The following PIEZO2 variants were observed in gnomAD, a reference collection of about 807,000 sequenced individuals.
PIEZO2 encodes piezo type mechanosensitive ion channel component 2.
PIEZO2 carries 172 observed loss-of-function variants against 337.3 expected under a neutral mutation model. The observed-to-expected ratio is 0.51, with a 90% CI of 0.45 to 0.58. The LOEUF is 0.58. Among genes scored for constraint, PIEZO2 ranks in the 20% least tolerant of loss-of-function variants. The pLI, the probability that PIEZO2 is intolerant of heterozygous loss-of-function variation, is 0.00. For synonymous variants in PIEZO2, 1,251 were observed against 1,228.5 expected, an observed-to-expected ratio of 1.02 and a Z score of -0.38; for missense variants, 3,028 against 3,391.3, an observed-to-expected ratio of 0.89 and a Z score of 2.66.
At chr18:10,725,413 C>A in intron 36 of PIEZO2, 1 of 1,602,840 alleles carries the variant, frequency 6.2e-7, no homozygotes. Flanking sequence ...GTCAACCTGA[C>A]CAGAGCCCGC....
In PIEZO2 at chr18:10,698,929, T is replaced by C. The variant is rs1384305464; in HGVS notation, c.6690A>G (p.Gln2230=). 6.5e-7 allele frequency: 1 copy of C among 1,536,188 alleles called. No homozygotes were observed. The highest frequency in any genetic ancestry group is 8.7e-7 in the Non-Finnish European group (1 of 1,146,894). ...QRSSFSSNRS[Q]RGSTSTRNSS... ...ATATATTGTGTCGACAGATACCTCTTTGGGATCTGTTTGAAGAAAAGCTGG... is the reference window on the plus strand; with the variant it reads ...ATATATTGTGTCGACAGATACCTCTCTGGGATCTGTTTGAAGAAAAGCTGG... Residue 2230 remains glutamine, a synonymous_variant, in exon 44 of 56, where the codon CAA becomes CAG. Coordinates refer to ENST00000674853, the MANE Select transcript of PIEZO2 (RefSeq NM_001378183.1).
chr18:10,741,960 G>T (rs746847116), intron 32 of PIEZO2, among the ~76,000 whole-genome samples: 42 of 151,960 alleles, frequency 2.8e-4, no homozygotes, highest in Admixed American at 3.9e-4. Context: ...GAGACCATCC[G>T]TGCTAACATG....
chr18:11,064,314 A>C (rs1029577237), intron 2 of PIEZO2, among the ~76,000 whole-genome samples: 5 of 152,188 alleles, frequency 3.3e-5, no homozygotes, highest in African/African-American at 9.7e-5. Flanking sequence ...ATGGAGAAAG[A>C]GGAAAATAAG....
chr18:10,763,559 G>A (rs1170421502), intron 21 of PIEZO2, among the ~76,000 whole-genome samples: 1 of 152,168 alleles, frequency 6.6e-6, no homozygotes, highest in East Asian at 1.9e-4. Context: ...ACAAACGACT[G>A]GAAAGTTCAG....
intron 47 of PIEZO2, 30 bp downstream of exon 47, chr18:10,696,044 G>T (rs985148984): frequency 1.0e-5 from 16 of 1,577,462 alleles, no homozygotes; most frequent in Admixed American, 6.7e-5. Flanking sequence ...ATGGAGGCAG[G>T]TTGGTGCCTC....
rs945764819 is a variant in PIEZO2, at chr18:10,837,815, A to G, written c.917+17538T>C. 6.6e-6 allele frequency among the ~76,000 whole-genome samples: 1 copy of G among 152,126 alleles called. No homozygotes were observed. Among genetic ancestry groups the G allele is most frequent in the Admixed American group, 6.5e-5 (1 of 15,284 alleles). ...CGCCCAGGCTGGAGTGCAATGGTGC[A>G]ATCTCAGCTCACTGCAACCTCCACC... On this transcript the variant is annotated intron_variant, in intron 7 of 55. Transcript: ENST00000674853. This position sits in a 1 kb window ranked among gnomAD's most constrained non-coding sequence, Gnocchi z 4.4.
chr18:11,045,295 C>CAAAAAAAAA (rs58924653), intron 2 of PIEZO2, among the ~76,000 whole-genome samples: 15 of 52,346 alleles, frequency 2.9e-4, no homozygotes, highest in African/African-American at 7.2e-4. Context: ...GACTCCGTCT[C>CAAAAAAAAA]AAAAAAAAAA....
intron 3 of PIEZO2, among the ~76,000 whole-genome samples, chr18:10,975,784 C>T (rs2034419010): frequency 6.6e-6 from 1 of 152,164 alleles, no homozygotes; most frequent in African/African-American, 2.4e-5. Context: ...CAAAATTTAA[C>T]ACCTATAAAT....
At chr18:10,827,071 A>G (rs1358687863) in intron 7 of PIEZO2, among the ~76,000 whole-genome samples, 2 of 152,224 alleles carry the variant, frequency 1.3e-5, no homozygotes, top group Non-Finnish European at 2.9e-5. Flanking sequence ...GAAAATAGAT[A>G]TATATTTATG....
At chr18:10,987,156 G>T (rs1211993180) in intron 2 of PIEZO2, among the ~76,000 whole-genome samples, 2 of 152,106 alleles carry the variant, frequency 1.3e-5, no homozygotes, top group East Asian at 1.9e-4. Flanking sequence ...CAGATTCAAT[G>T]CAATATCTAT....
At chr18:11,050,812 T>C (rs1475162138) in intron 2 of PIEZO2, among the ~76,000 whole-genome samples, 2 of 150,882 alleles carry the variant, frequency 1.3e-5, no homozygotes, top group East Asian at 3.9e-4. Flanking sequence ...ATAAAATTAA[T>C]AATAAATTTT....
At chr18:11,063,295 T>C (rs2584752) in intron 2 of PIEZO2, among the ~76,000 whole-genome samples, 4 of 124,362 alleles carry the variant, frequency 3.2e-5, no homozygotes, top group African/African-American at 1.0e-4. Flanking sequence ...GTGGGGGGAG[T>C]GGGGAGGGAT....
At position 11,021,253 on chromosome 18, in the gene PIEZO2, G is replaced by A. The variant is rs1598840132; in HGVS notation, c.161-41593C>T. Among the ~76,000 whole-genome samples the A allele has an allele frequency of 6.6e-6, 1 of 152,338 alleles. No homozygotes were observed. The highest frequency in any genetic ancestry group is 1.9e-4 in the East Asian group (1 of 5,180). Reference sequence around the variant, plus strand: ...GCTAGTCACAGGTGTCAAGGAGACAGCTAATCTCCCTGGAAAGAACTCCCA... The same window carrying A: ...GCTAGTCACAGGTGTCAAGGAGACAACTAATCTCCCTGGAAAGAACTCCCA... On this transcript the variant is annotated intron_variant, in intron 2 of 55. Transcript: ENST00000674853. The surrounding 1 kb of genome is among the most constrained non-coding windows in gnomAD (Gnocchi z 4.7).
At chr18:10,967,313 G>A (rs539996265) in intron 3 of PIEZO2, among the ~76,000 whole-genome samples, 4 of 152,150 alleles carry the variant, frequency 2.6e-5, no homozygotes, top group East Asian at 1.9e-4. Flanking sequence ...CACCATGCCC[G>A]GCCTATATAT....
chr18:10,838,134 C>A, intron 7 of PIEZO2, among the ~76,000 whole-genome samples: 1 of 152,120 alleles, frequency 6.6e-6, no homozygotes, highest in East Asian at 1.9e-4. Flanking sequence ...ATCTTTCCAG[C>A]AAGTTTCTCT....
chr18:10,761,250 T>A (rs2038118609), intron 23 of PIEZO2, 139 bp from the exon 24 acceptor site: 1 of 729,956 alleles, frequency 1.4e-6, no homozygotes, highest in Non-Finnish European at 2.2e-6. Flanking sequence ...GAGCTCAATA[T>A]TCGTTTTCTC....
chr18:11,116,763 T>C lies in PIEZO2; in HGVS notation c.64+31762A>G, dbSNP rs2039903010. On this transcript the variant is annotated intron_variant, in intron 1 of 55. Coordinates refer to ENST00000674853, the MANE Select transcript of PIEZO2 (RefSeq NM_001378183.1). This position sits in a 1 kb window ranked among gnomAD's most constrained non-coding sequence, Gnocchi z 5.0. ...ATCATTCCATTTATCTACTGAATGT[T>C]ACTCCATCTAACTGTATAGCACAGT... Among the ~76,000 whole-genome samples the C allele has an allele frequency of 2.0e-5, 3 of 151,768 alleles. No homozygotes were observed. Among genetic ancestry groups the C allele is most frequent in the Admixed American group, 2.0e-4 (3 of 15,238 alleles).
intron 30 of PIEZO2, 113 bp from the exon 31 acceptor site, chr18:10,744,344 C>A: frequency 1.5e-6 from 1 of 686,674 alleles, no homozygotes; most frequent in Admixed American, 2.5e-5. Flanking sequence ...ATGGCAGCTG[C>A]TTGTAGTTTC....
chr18:10,709,343 A>T (rs2143823177), intron 39 of PIEZO2: 1 of 152,370 alleles, frequency 6.6e-6, no homozygotes, highest in East Asian at 1.9e-4. Context: ...GGTGTGACAC[A>T]CGCATAGTTT....
Sources: allele counts gnomAD v4.1 joint callset (sites outside exome capture counted in the v4.1 genomes callset), GRCh38; gene constraint gnomAD v4.1.1; non-coding constraint Gnocchi (gnomAD v3.1); transcripts MANE v1.5; gene names NCBI Gene and HGNC (gene_info 2026-07-23, HGNC 2026-07-21).